PLCH1: variants seen among roughly 807,000 people sequenced by gnomAD.
PLCH1 encodes 1-phosphatidylinositol 4,5-bisphosphate phosphodiesterase eta-1.
In PLCH1, 60 loss-of-function variants were observed where a neutral mutation model predicts 126.7. The ratio of observed to expected loss-of-function variants is 0.47; its 90% confidence interval spans 0.38 to 0.59. PLCH1 has a LOEUF of 0.59. Ranked by LOEUF, PLCH1 falls within the 20% of genes least tolerant of loss-of-function variation. The probability of loss-of-function intolerance (pLI) is 0.00; values close to 1 mark genes in which losing one functional copy is unlikely to be tolerated. For synonymous variants in PLCH1, 719 were observed against 734.9 expected (o/e 0.98, Z 0.35); for missense variants, 1,723 against 2,040.0 (o/e 0.84, Z 2.99).
At chr3:155,552,491 G>A (rs4125975) in intron 9 of PLCH1, among the ~76,000 whole-genome samples, 78,731 of 152,060 alleles carry the variant, frequency 0.52, 22,789 homozygotes, top group Non-Finnish European at 0.66. Flanking sequence ...ATACTTAAAC[G>A]GCCTTGTAGA....
chr3:155,548,610 T>C (rs2108442129), intron 10 of PLCH1, among the ~76,000 whole-genome samples: 1 of 152,336 alleles, frequency 6.6e-6, no homozygotes, highest in East Asian at 1.9e-4. Context: ...CTAAAGAATA[T>C]TTAGGAAGTA....
intron 2 of PLCH1, among the ~76,000 whole-genome samples, chr3:155,649,934 C>T (rs1372152449): frequency 5.9e-5 from 9 of 151,892 alleles, no homozygotes; most frequent in African/African-American, 1.9e-4. Flanking sequence ...GCCGAGATAG[C>T]GCCACTGCAC....
chr3:155,619,325 T>A (rs1198871168), intron 2 of PLCH1, among the ~76,000 whole-genome samples: 1 of 151,510 alleles, frequency 6.6e-6, no homozygotes, highest in Admixed American at 6.6e-5. Flanking sequence ...CAGGGCAGTG[T>A]ACAGTACAGG....
intron 2 of PLCH1, among the ~76,000 whole-genome samples, chr3:155,700,308 A>C (rs1316031563): frequency 6.6e-6 from 1 of 152,232 alleles, no homozygotes; most frequent in Admixed American, 6.5e-5. Flanking sequence ...TAAGTCAATT[A>C]GTTTTATTAA....
intron 10 of PLCH1, among the ~76,000 whole-genome samples, chr3:155,526,970 C>G (rs1722036529): frequency 6.6e-6 from 1 of 152,180 alleles, no homozygotes; most frequent in Non-Finnish European, 1.5e-5. Context: ...ACATCAGGAA[C>G]TACTGCCAGA....
intron 7 of PLCH1, among the ~76,000 whole-genome samples, chr3:155,566,815 T>C (rs1217516112): frequency 2.6e-5 from 4 of 152,296 alleles, no homozygotes; most frequent in African/African-American, 4.8e-5. Flanking sequence ...CACAAGTACC[T>C]AAATAGAATA....
intron 2 of PLCH1, among the ~76,000 whole-genome samples, chr3:155,606,935 T>G (rs1378346283): frequency 6.6e-6 from 1 of 152,228 alleles, no homozygotes; most frequent in East Asian, 1.9e-4. Context: ...GACTTCTTCC[T>G]CACCCTGTTC....
intron 21 of PLCH1, among the ~76,000 whole-genome samples, chr3:155,464,906 C>T (rs1015162102): frequency 7.9e-5 from 12 of 152,152 alleles, no homozygotes; most frequent in East Asian, 3.9e-4. Context: ...GTCAGGAGAT[C>T]GAGACCATAC....
intron 2 of PLCH1, among the ~76,000 whole-genome samples, chr3:155,637,293 C>T (rs774661236): frequency 4.3e-4 from 66 of 152,310 alleles, no homozygotes; most frequent in Admixed American, 8.5e-4. Context: ...GTGGACTACT[C>T]AGTGCCAGAA....
chr3:155,467,548 TG>T (rs968757439), intron 21 of PLCH1, among the ~76,000 whole-genome samples: 39 of 149,362 alleles, frequency 2.6e-4, no homozygotes, highest in African/African-American at 9.2e-4. Flanking sequence ...CACTCCAGCA[TG>T]GGTGATAAGA....
chr3:155,487,986 C>A (rs750040789), intron 21 of PLCH1, 42 bp downstream of exon 21: 1 of 1,132,488 alleles, frequency 8.8e-7, no homozygotes, highest in Admixed American at 1.7e-5. Flanking sequence ...TGTTAAGGAC[C>A]ATATTAATGT....
At chr3:155,457,624 A>T (rs1481804614) in intron 21 of PLCH1, 2 of 152,156 alleles carry the variant, frequency 1.3e-5, no homozygotes, top group African/African-American at 4.8e-5. Context: ...TTAGTACATT[A>T]TATTAATATT....
intron 2 of PLCH1, among the ~76,000 whole-genome samples, chr3:155,649,903 G>A (rs968682389): frequency 2.0e-5 from 3 of 152,196 alleles, no homozygotes; most frequent in Admixed American, 6.5e-5. Flanking sequence ...GCATGAACCC[G>A]GGAGGCGGAG....
chr3:155,690,566 T>C (rs1745304489), intron 2 of PLCH1, among the ~76,000 whole-genome samples: 2 of 152,172 alleles, frequency 1.3e-5, no homozygotes, highest in African/African-American at 4.8e-5. Flanking sequence ...TTAAGCCCAT[T>C]GTACAAAGAA....
chr3:155,542,043 G>A (rs1328868194), intron 10 of PLCH1, among the ~76,000 whole-genome samples: 1 of 152,166 alleles, frequency 6.6e-6, no homozygotes, highest in Non-Finnish European at 1.5e-5. Flanking sequence ...GCAGGACAGT[G>A]GGTGCAGTGC....
intron 13 of PLCH1, among the ~76,000 whole-genome samples, chr3:155,503,246 G>A (rs900871253): frequency 2.0e-5 from 3 of 152,094 alleles, no homozygotes; most frequent in African/African-American, 7.2e-5. Context: ...CTCTGTGAAG[G>A]TAATAACTAT....
At position 155,480,401 on chromosome 3, in the gene PLCH1, T is replaced by C. The variant is rs1398387644; in HGVS notation, c.*567A>G. 1.3e-5 allele frequency: 2 copies of C among 152,954 alleles called. No individual in the cohort carries two copies. Among genetic ancestry groups the C allele is most frequent in the African/African-American group, 4.8e-5 (2 of 41,428 alleles). 9.5% of individuals were successfully genotyped at this position (152,954 alleles called of 1,614,324 possible). ...GTGGGAAGGGCATGGGGAGCAGCTA[T>C]CCATCCCCTTTCAACTCTCATTATG... is the stretch of plus-strand genomic sequence containing the variant. On this transcript the variant is annotated 3_prime_UTR_variant, in exon 23 of 23. Transcript: ENST00000460012.
chr3:155,500,614 C>T, intron 14 of PLCH1, 89 bp downstream of exon 14: 1 of 783,836 alleles, frequency 1.3e-6, no homozygotes, highest in Non-Finnish European at 2.2e-6. Context: ...TGATCCAATT[C>T]TCTAGACATG....
intron 2 of PLCH1, among the ~76,000 whole-genome samples, chr3:155,657,290 G>T (rs551178447): frequency 6.6e-6 from 1 of 152,084 alleles, no homozygotes; most frequent in Non-Finnish European, 1.5e-5. Flanking sequence ...TCAGCTTACT[G>T]CCTGGAGAGA....
Sources: allele counts gnomAD v4.1 joint callset (sites outside exome capture counted in the v4.1 genomes callset), GRCh38; gene constraint gnomAD v4.1.1; transcripts MANE v1.5; gene names NCBI Gene and HGNC (gene_info 2026-07-23, HGNC 2026-07-21).